The following HTR2C variants were observed in gnomAD, a reference collection of about 807,000 sequenced individuals.
The protein encoded by HTR2C is 5-hydroxytryptamine receptor 2C.
A neutral mutation model predicts 21.0 loss-of-function variants in HTR2C; 5 were observed. The ratio of observed to expected loss-of-function variants is 0.24; its 90% CI spans 0.12 to 0.50. The LOEUF is 0.50. Ranked by LOEUF, HTR2C falls within the 20% of genes least tolerant of loss-of-function variation. The probability of loss-of-function intolerance (pLI) is 0.98; values close to 1 mark genes in which losing one functional copy is unlikely to be tolerated. For synonymous variants in HTR2C, 150 were observed against 145.3 expected (o/e 1.03, Z -0.23); for missense variants, 271 against 371.2 (o/e 0.73, Z 2.22).
chrX:114,869,611 A>C (rs1356826863), intron 5 of HTR2C, among the ~76,000 whole-genome samples: 1 of 112,059 alleles, frequency 8.9e-6, no homozygotes, highest in Non-Finnish European at 1.9e-5. Context: ...TCTGAAAACA[A>C]GCATAATTTG....
intron 5 of HTR2C, among the ~76,000 whole-genome samples, chrX:114,880,797 A>G (rs2071175010): frequency 8.9e-6 from 1 of 111,807 alleles, no homozygotes; most frequent in African/African-American, 3.2e-5. Flanking sequence ...CTGTTGTAAG[A>G]ATATATCAGA....
At chrX:114,773,236 C>T (rs2070023683) in intron 4 of HTR2C, among the ~76,000 whole-genome samples, 2 of 111,660 alleles carry the variant, frequency 1.8e-5, no homozygotes, top group South Asian at 7.5e-4. Flanking sequence ...GAATTAAAAA[C>T]TGGTAAACAC....
At chrX:114,692,578 T>C (rs1475241887) in intron 2 of HTR2C, among the ~76,000 whole-genome samples, 2 of 110,027 alleles carry the variant, frequency 1.8e-5, no homozygotes, top group African/African-American at 3.3e-5. Flanking sequence ...TTCTTTACAT[T>C]TTTTTTTGCC....
At chrX:114,735,848 C>G (rs943993995) in intron 4 of HTR2C, among the ~76,000 whole-genome samples, 4 of 111,721 alleles carry the variant, frequency 3.6e-5, no homozygotes, top group African/African-American at 1.3e-4. Context: ...GGCGTGGTGG[C>G]TCACGCCTGT....
intron 2 of HTR2C, among the ~76,000 whole-genome samples, chrX:114,615,862 A>G (rs1238160311): frequency 3.6e-5 from 4 of 111,971 alleles, no homozygotes; most frequent in Non-Finnish European, 5.6e-5. Context: ...GATTTGATAT[A>G]CAAATTCATC....
intron 2 of HTR2C, among the ~76,000 whole-genome samples, chrX:114,705,850 A>G (rs1207944700): frequency 1.3e-5 from 1 of 78,406 alleles, no homozygotes; most frequent in Non-Finnish European, 2.5e-5. Context: ...ATGAACTCAA[A>G]CAAATTTACA....
At chrX:114,682,916 T>C (rs1168818666) in intron 2 of HTR2C, among the ~76,000 whole-genome samples, 1 of 112,223 alleles carries the variant, frequency 8.9e-6, no homozygotes, top group Non-Finnish European at 1.9e-5. Flanking sequence ...AAGATATCTA[T>C]CAATTTAACA....
At chrX:114,707,993 A>C (rs185457715) in intron 2 of HTR2C, among the ~76,000 whole-genome samples, 28 of 111,013 alleles carry the variant, frequency 2.5e-4, no homozygotes, top group African/African-American at 9.1e-4. Context: ...CCCACTCTTT[A>C]ATGAAGCCAA....
chrX:114,721,903 C>A (rs1407155683), intron 2 of HTR2C, among the ~76,000 whole-genome samples: 3 of 106,243 alleles, frequency 2.8e-5, no homozygotes, highest in Non-Finnish European at 3.9e-5. Flanking sequence ...CAGTACCATG[C>A]TGTTTTGGTT....
chrX:114,601,322 A>G (rs1556394302), intron 1 of HTR2C, among the ~76,000 whole-genome samples: 3 of 110,851 alleles, frequency 2.7e-5, no homozygotes, highest in Non-Finnish European at 5.7e-5. Context: ...TGTGAGCAAC[A>G]TGGCTGTTTA....
At chrX:114,855,746 C>CTT (rs782183285) in intron 5 of HTR2C, among the ~76,000 whole-genome samples, 2 of 17,915 alleles carry the variant, frequency 1.1e-4, no homozygotes, top group African/African-American at 4.6e-4. Context: ...AAGCAACCAT[C>CTT]TTTTTTTTTT....
At chrX:114,830,147 C>G (rs1602849244) in intron 4 of HTR2C, among the ~76,000 whole-genome samples, 1 of 111,428 alleles carries the variant, frequency 9.0e-6, no homozygotes, top group East Asian at 2.8e-4. Flanking sequence ...TGCAGAGCTC[C>G]TGGTGTATAG....
chrX:114,664,611 A>C lies in HTR2C; in HGVS notation c.-80+50730A>C, dbSNP rs782478484. Among the ~76,000 whole-genome samples, 4 of 112,120 alleles carry C rather than the reference A, an allele frequency of 3.6e-5. No individual in the cohort carries two copies. The South Asian group carries it at 1.1e-3, about 31-fold the overall frequency. ...TCTATGTACCACATTTGCTTTATCT[A>C]GTCTATCATTGACGGGCATTTATGT... On this transcript the variant is annotated intron_variant, in intron 2 of 5. Transcript: ENST00000276198.
At chrX:114,824,832 AT>A (rs1396069119) in intron 4 of HTR2C, among the ~76,000 whole-genome samples, 1 of 111,746 alleles carries the variant, frequency 8.9e-6, no homozygotes, top group East Asian at 2.8e-4. Context: ...CAGACTCTCC[AT>A]TGGAATTAGG....
chrX:114,749,453 C>CAAAAAAA (rs782652879), intron 4 of HTR2C, among the ~76,000 whole-genome samples: 9 of 41,903 alleles, frequency 2.1e-4, no homozygotes, highest in Admixed American at 4.7e-4. Context: ...GTCCATGTCT[C>CAAAAAAA]AAAAAAAAAA....
At chrX:114,887,587 A>C (rs782269532) in intron 5 of HTR2C, among the ~76,000 whole-genome samples, 8 of 111,363 alleles carry the variant, frequency 7.2e-5, no homozygotes, top group Admixed American at 4.8e-4. Flanking sequence ...AAATTCTCTC[A>C]GGGAATGTGC....
intron 4 of HTR2C, among the ~76,000 whole-genome samples, chrX:114,788,221 A>G (rs2070197252): frequency 9.0e-6 from 1 of 111,073 alleles, no homozygotes; most frequent in African/African-American, 3.3e-5. Context: ...GGGTTCTAAT[A>G]ACGTTTTTAC....
chrX:114,874,356 T>C (rs1436504399), intron 5 of HTR2C, among the ~76,000 whole-genome samples: 3 of 111,800 alleles, frequency 2.7e-5, no homozygotes, highest in African/African-American at 9.8e-5. Context: ...TGAGGAACCT[T>C]CAAACTGTTG....
At chrX:114,889,973 T>A (rs899899740) in intron 5 of HTR2C, among the ~76,000 whole-genome samples, 7 of 111,684 alleles carry the variant, frequency 6.3e-5, no homozygotes, top group Non-Finnish European at 1.1e-4. Context: ...TTTTTATAGT[T>A]CTGATGATGT....
Sources: gnomAD v4.1 joint callset for allele counts (sites outside exome capture counted in the v4.1 genomes callset) on GRCh38, gnomAD v4.1.1 for gene constraint, MANE v1.5 for transcripts, NCBI Gene and HGNC (gene_info 2026-07-23, HGNC 2026-07-21) for gene names.